Variants in CADM2 observed in about 807,000 individuals in gnomAD.
CADM2 encodes the protein cell adhesion molecule 2.
A neutral mutation model predicts 49.8 loss-of-function variants in CADM2; 12 were observed. The ratio of observed to expected loss-of-function variants is 0.24; its 90% CI spans 0.15 to 0.39. The LOEUF (loss-of-function observed/expected upper bound fraction) is 0.39. CADM2 is among the 10% of genes least tolerant of loss of function. The pLI, the probability that CADM2 is intolerant of heterozygous loss-of-function variation, is 1.00. For synonymous variants in CADM2, 214 were observed against 175.4 expected (o/e 1.22, Z -1.74); for missense variants, 378 against 492.3 (o/e 0.77, Z 2.20).
intron 8 of CADM2, among the ~76,000 whole-genome samples, chr3:85,999,692 GAA>G (rs1729925921): frequency 6.6e-6 from 1 of 151,792 alleles, no homozygotes; most frequent in African/African-American, 2.4e-5. Context: ...AGAAAAGAAA[GAA>G]TGAAAGAAAC....
chr3:85,075,278 G>A (rs1166069740), intron 1 of CADM2, among the ~76,000 whole-genome samples: 1 of 151,282 alleles, frequency 6.6e-6, no homozygotes, highest in Admixed American at 6.6e-5. Flanking sequence ...TGAACCAATA[G>A]AAGTTTAGCA....
chr3:85,856,704 G>T (rs2075330893), intron 3 of CADM2, among the ~76,000 whole-genome samples: 1 of 152,024 alleles, frequency 6.6e-6, no homozygotes. Context: ...ATGTTCAATT[G>T]AATTAACTCT....
chr3:85,181,507 A>G (rs2040932649), intron 1 of CADM2, among the ~76,000 whole-genome samples: 1 of 152,128 alleles, frequency 6.6e-6, no homozygotes, highest in Non-Finnish European at 1.5e-5. Flanking sequence ...TAGTCTGAAG[A>G]GTAAATGAAG....
chr3:85,671,052 C>T lies in CADM2; in HGVS notation c.62-55470C>T, dbSNP rs137870209. On this transcript the variant is annotated intron_variant, in intron 1 of 9. Coordinates refer to ENST00000383699, the MANE Select transcript of CADM2 (RefSeq NM_001167675.2). ...CCATTTAGGCCAAATTTCTAGAAGA[C>T]TTGGCCTTTCATAGCCAAAGTGGGC... is the stretch of plus-strand genomic sequence containing the variant. Among the ~76,000 whole-genome samples, 82 of 152,282 alleles carry T rather than the reference C, an allele frequency of 5.4e-4. No homozygotes were observed. The East Asian group carries it at 0.016, about 29-fold the overall frequency.
intron 1 of CADM2, among the ~76,000 whole-genome samples, chr3:85,339,372 A>G (rs2045178910): frequency 2.0e-5 from 3 of 151,484 alleles, no homozygotes; most frequent in Admixed American, 2.0e-4. Flanking sequence ...CAAGTGTAAT[A>G]TCATATAACA....
chr3:85,685,849 C>T (rs2066195691), intron 1 of CADM2, among the ~76,000 whole-genome samples: 1 of 151,808 alleles, frequency 6.6e-6, no homozygotes, highest in South Asian at 2.1e-4. Flanking sequence ...TGGTCTCGAA[C>T]TCCTGACCTC....
chr3:86,022,603 G>A (rs1338499594), intron 8 of CADM2, among the ~76,000 whole-genome samples: 2 of 152,014 alleles, frequency 1.3e-5, no homozygotes, highest in African/African-American at 2.4e-5. Context: ...ATGATGACCT[G>A]TTTCTACAGT....
intron 2 of CADM2, among the ~76,000 whole-genome samples, chr3:85,790,603 A>G (rs534494715): frequency 2.3e-4 from 35 of 152,308 alleles, no homozygotes; most frequent in Admixed American, 2.0e-3. Flanking sequence ...CTTTGGGTAC[A>G]CAAGAGTTTC....
At chr3:85,801,540 A>G (rs1260503314) in intron 2 of CADM2, among the ~76,000 whole-genome samples, 1 of 152,152 alleles carries the variant, frequency 6.6e-6, no homozygotes, top group Non-Finnish European at 1.5e-5. Context: ...AACCTAGTTA[A>G]GTGGGATTCA....
chr3:85,539,495 A>G (rs949495027), intron 1 of CADM2, among the ~76,000 whole-genome samples: 3 of 152,024 alleles, frequency 2.0e-5, no homozygotes, highest in Non-Finnish European at 2.9e-5. Flanking sequence ...TAGCACCCCT[A>G]CTAAATGCCT....
rs2035355045 is a variant in CADM2 at position 85,039,486 on chromosome 3, A to G, written c.61+79818A>G. Among the ~76,000 whole-genome samples, 4 of 152,270 alleles carry G rather than the reference A, an allele frequency of 2.6e-5. No individual in the cohort carries two copies. In the South Asian group the frequency reaches 8.3e-4, roughly 32 times the overall value. ...TAGTAATACAGTTTTAGCTTTTCCA[A>G]ATAATTCAAGTATTGCATACATTTT... is the stretch of plus-strand genomic sequence containing the variant. On this transcript the variant is annotated intron_variant, in intron 1 of 9. Transcript: ENST00000383699.
chr3:85,118,895 A>T (rs180725243), intron 1 of CADM2, among the ~76,000 whole-genome samples: 1 of 152,080 alleles, frequency 6.6e-6, no homozygotes, highest in Admixed American at 6.5e-5. Context: ...GATTACAGGC[A>T]TGCACCACCA....
At chr3:85,195,621 T>G (rs372540820) in intron 1 of CADM2, among the ~76,000 whole-genome samples, 1 of 150,968 alleles carries the variant, frequency 6.6e-6, no homozygotes, top group South Asian at 2.1e-4. Flanking sequence ...CAATATCTAG[T>G]TATAAAATTT....
chr3:85,510,632 A>G (rs1448665843), intron 1 of CADM2, among the ~76,000 whole-genome samples: 1 of 152,106 alleles, frequency 6.6e-6, no homozygotes, highest in Non-Finnish European at 1.5e-5. Context: ...ATAAACCAAT[A>G]TACCTATGTA....
chr3:85,719,163 C>T (rs1268721514), intron 1 of CADM2, among the ~76,000 whole-genome samples: 1 of 151,994 alleles, frequency 6.6e-6, no homozygotes, highest in East Asian at 1.9e-4. Flanking sequence ...CATTTCATAG[C>T]CAAAATTACT....
At chr3:85,975,518 T>G (rs1392903018) in intron 8 of CADM2, among the ~76,000 whole-genome samples, 1 of 151,390 alleles carries the variant, frequency 6.6e-6, no homozygotes, top group East Asian at 1.9e-4. Context: ...TAGACAAAAT[T>G]TACTTTCACT....
At chr3:85,715,717 C>T (rs577378527) in intron 1 of CADM2, among the ~76,000 whole-genome samples, 1 of 152,264 alleles carries the variant, frequency 6.6e-6, no homozygotes, top group East Asian at 1.9e-4. Context: ...CATATGTTCT[C>T]ATTGTTCAAC....
chr3:85,293,156 A>T (rs528118050), intron 1 of CADM2, among the ~76,000 whole-genome samples: 30 of 152,268 alleles, frequency 2.0e-4, no homozygotes, highest in Middle Eastern at 3.4e-3. Context: ...AATACTACAA[A>T]CACCTCTACG....
At chr3:84,996,264 G>A (rs1379255133) in intron 1 of CADM2, among the ~76,000 whole-genome samples, 1 of 151,958 alleles carries the variant, frequency 6.6e-6, no homozygotes, top group Non-Finnish European at 1.5e-5. Flanking sequence ...GTAGCAAATG[G>A]CAAGTTATTA....
Sources: allele counts gnomAD v4.1 joint callset (sites outside exome capture counted in the v4.1 genomes callset), GRCh38; gene constraint gnomAD v4.1.1; transcripts MANE v1.5; gene names NCBI Gene and HGNC (gene_info 2026-07-23, HGNC 2026-07-21).